Variants in KAZN observed in about 807,000 individuals in gnomAD.
The protein encoded by KAZN is kazrin.
Under a neutral mutation model 87.4 loss-of-function variants are expected in KAZN, and 40 were observed. The observed-to-expected ratio is 0.46, with a 90% CI of 0.36 to 0.60. The LOEUF (loss-of-function observed/expected upper bound fraction) is 0.60. Ranked by LOEUF, KAZN falls within the 20% of genes least tolerant of loss-of-function variation. The probability of loss-of-function intolerance (pLI) is 0.00; values close to 1 mark genes in which losing one functional copy is unlikely to be tolerated. For missense variants in KAZN, 898 were observed against 1,073.9 expected, an observed-to-expected ratio of 0.84 and a Z score of 2.29; for synonymous variants, 466 against 458.3, an observed-to-expected ratio of 1.02 and a Z score of -0.22.
At chr1:14,900,753 CAA>C (rs34012645) in intron 1 of KAZN, among the ~76,000 whole-genome samples, 2,098 of 131,944 alleles carry the variant, frequency 0.016, 49 homozygotes, top group African/African-American at 0.058. Flanking sequence ...GACTCCATCT[CAA>C]AAAAAAAAAA....
At chr1:14,506,095 A>G (rs1670570858) in intron 2 of KAZN, among the ~76,000 whole-genome samples, 1 of 152,244 alleles carries the variant, frequency 6.6e-6, no homozygotes, top group Non-Finnish European at 1.5e-5. Context: ...ATATTTTACA[A>G]CAACAAAAAA....
intron 8 of KAZN, among the ~76,000 whole-genome samples, chr1:15,088,376 T>TG (rs967331221): frequency 1.7e-4 from 25 of 150,622 alleles, no homozygotes; most frequent in African/African-American, 3.4e-4. Flanking sequence ...ATTCTGTGGG[T>TG]GGGGGGGTGT....
intron 8 of KAZN, among the ~76,000 whole-genome samples, chr1:15,089,715 AGGGAAGCTTTTATTGGC>A: frequency 7.0e-6 from 1 of 142,594 alleles, no homozygotes; most frequent in Admixed American, 7.2e-5. Context: ...GGGACAGCAA[AGGGAAGCTTTTATTGGC>A]AAAAAAAAAA....
At chr1:14,764,472 A>T (rs1258018333) in intron 1 of KAZN, among the ~76,000 whole-genome samples, 1 of 146,256 alleles carries the variant, frequency 6.8e-6, no homozygotes, top group Non-Finnish European at 1.5e-5. Context: ...TTTATTCATC[A>T]TATTCTTTGT....
At position 14,790,181 on chromosome 1, in the gene KAZN, C is replaced by CT. The variant is rs1285190077; in HGVS notation, c.227-170493dup. Among the ~76,000 whole-genome samples the CT allele has an allele frequency of 6.2e-3, 920 of 147,420 alleles. 9 individuals are homozygous for CT. The highest frequency in any genetic ancestry group is 0.02 in the African/African-American group (796 of 40,134). ...CATGTCCAGCTAATTTTGTTTTTTT[C>CT]TTTTTTTTTTAGTAAAGACGGGGTT... is the stretch of plus-strand genomic sequence containing the variant. On this transcript the variant is annotated intron_variant, in intron 1 of 14. Coordinates refer to ENST00000376030, the MANE Select transcript of KAZN (RefSeq NM_201628.3).
chr1:14,930,970 G>T (rs191551243), intron 1 of KAZN, among the ~76,000 whole-genome samples: 3 of 152,100 alleles, frequency 2.0e-5, no homozygotes, highest in African/African-American at 7.2e-5. Context: ...AGACTCCCCC[G>T]CCACAACCAT....
Position 14,970,371 on chromosome 1 carries a change from G to A in KAZN, c.418+9496G>A, listed in dbSNP as rs534765820. On this transcript the variant is annotated intron_variant, in intron 2 of 14. Transcript: ENST00000376030. The stretch of plus-strand genomic sequence containing the variant: ...GGGCTCTGCAAGGCCAGGCTCCTTG[G>A]CAACCCCGTGACTCACAGTCCAACA... Among the ~76,000 whole-genome samples, 22 of 152,242 alleles carry A rather than the reference G, an allele frequency of 1.4e-4. No individual in the cohort carries two copies. In the South Asian group the frequency reaches 2.1e-3, roughly 14 times the overall value.
chr1:14,826,586 T>C (rs551261098), intron 1 of KAZN, among the ~76,000 whole-genome samples: 290 of 152,278 alleles, frequency 1.9e-3, no homozygotes, highest in African/African-American at 6.4e-3. Flanking sequence ...TCAGCCTCGG[T>C]CCCGCGCTGG....
rs1189023366 is a variant in KAZN at position 14,557,655 on chromosome 1, TGTGTGTGTGTG to T, written c.250-41320_250-41310del. Among the ~76,000 whole-genome samples, 5 of 145,280 alleles carry T rather than the reference TGTGTGTGTGTG, an allele frequency of 3.4e-5. No homozygotes were observed. In the East Asian group the frequency reaches 6.6e-4, roughly 19 times the overall value. On this transcript the variant is annotated intron_variant, in intron 2 of 16. Transcript: ENST00000636203. ...GTGTGTGTGTGTGTGTGTGTGTGTG[TGTGTGTGTGTG>T]GTGTGTGAGAGAGAGAGAGAGAGAG... is the stretch of plus-strand genomic sequence containing the variant.
intron 3 of KAZN, among the ~76,000 whole-genome samples, chr1:15,035,828 T>C (rs1672204161): frequency 6.6e-6 from 1 of 152,130 alleles, no homozygotes; most frequent in East Asian, 1.9e-4. Flanking sequence ...CTGAATGCAC[T>C]TCTGGCCTCT....
chr1:14,166,665 A>T (rs147221908), intron 1 of KAZN, among the ~76,000 whole-genome samples: 50 of 152,338 alleles, frequency 3.3e-4, no homozygotes, highest in African/African-American at 1.1e-3. Flanking sequence ...TAAATTTTGT[A>T]CTATATATTT....
At chr1:14,422,222 CT>C in intron 2 of KAZN, among the ~76,000 whole-genome samples, 1 of 152,314 alleles carries the variant, frequency 6.6e-6, no homozygotes, top group East Asian at 1.9e-4. Context: ...ATTCTGGGTT[CT>C]GATGAGATGT....
Position 14,423,984 on chromosome 1 carries a change from G to A in KAZN, c.250-174999G>A, listed in dbSNP as rs72870855. Among the ~76,000 whole-genome samples the A allele has an allele frequency of 1.9e-3, 290 of 152,296 alleles. 1 individual carries two copies. Among genetic ancestry groups the A allele is most frequent in the African/African-American group, 6.3e-3 (262 of 41,564 alleles). ...ATGGGACAGGCAGAGAGCTGGGCAC[G>A]TAACTTGAGCCCCTGGATACATATG... is the stretch of plus-strand genomic sequence containing the variant. On this transcript the variant is annotated intron_variant, in intron 2 of 16. Transcript: ENST00000636203.
intron 1 of KAZN, among the ~76,000 whole-genome samples, chr1:14,925,016 C>T (rs1331891076): frequency 6.6e-6 from 1 of 152,258 alleles, no homozygotes; most frequent in Non-Finnish European, 1.5e-5. Flanking sequence ...GAAATTGATG[C>T]CTCGCATTTG....
intron 1 of KAZN, among the ~76,000 whole-genome samples, chr1:14,762,494 G>A (rs1471160671): frequency 3.7e-5 from 2 of 53,650 alleles, no homozygotes; most frequent in Non-Finnish European, 1.1e-4. Context: ...GGGAGGCCGA[G>A]GTGGGAGGAT....
intron 1 of KAZN, among the ~76,000 whole-genome samples, chr1:14,876,800 C>A (rs940349233): frequency 2.0e-5 from 3 of 152,150 alleles, no homozygotes; most frequent in African/African-American, 7.2e-5. Context: ...TCCCTCCAGA[C>A]CTTTTTGTAG....
chr1:14,376,853 GCAA>G (rs1660956570), intron 2 of KAZN, among the ~76,000 whole-genome samples: 2 of 152,178 alleles, frequency 1.3e-5, no homozygotes, highest in Admixed American at 6.5e-5. Context: ...CATCAAGGCA[GCAA>G]CAACAAACTA....
intron 8 of KAZN, among the ~76,000 whole-genome samples, chr1:15,070,034 G>A (rs1456133698): frequency 6.6e-6 from 1 of 152,198 alleles, no homozygotes; most frequent in South Asian, 2.1e-4. Context: ...GAAAACAGAC[G>A]TTGAGTAACT....
intron 1 of KAZN, among the ~76,000 whole-genome samples, chr1:14,764,262 G>C (rs1263159541): frequency 2.6e-5 from 4 of 151,946 alleles, no homozygotes; most frequent in Non-Finnish European, 4.4e-5. Context: ...TCCCTTCAGA[G>C]GCCCCCACAG....
Sources: allele counts gnomAD v4.1 joint callset (sites outside exome capture counted in the v4.1 genomes callset), GRCh38; gene constraint gnomAD v4.1.1; transcripts MANE v1.5; gene names NCBI Gene and HGNC (gene_info 2026-07-23, HGNC 2026-07-21).